Variants in ERBB4 observed in about 807,000 individuals in gnomAD.
ERBB4 encodes erb-b2 receptor tyrosine kinase 4, also known as receptor tyrosine-protein kinase erbB-4.
ERBB4 carries 42 observed loss-of-function variants against 158.0 expected under a neutral mutation model. The observed-to-expected ratio is 0.27, with a 90% confidence interval of 0.21 to 0.34. ERBB4 has a LOEUF of 0.34. Ranked by LOEUF, ERBB4 falls within the 10% of genes least tolerant of loss-of-function variation. The pLI, the probability that ERBB4 is intolerant of heterozygous loss-of-function variation, is 1.00. For synonymous variants in ERBB4, 583 were observed against 558.7 expected (o/e 1.04, Z -0.61); for missense variants, 1,333 against 1,624.1 (o/e 0.82, Z 3.08).
intron 5 of ERBB4, among the ~76,000 whole-genome samples, chr2:211,749,298 A>G (rs2106205688): frequency 6.6e-6 from 1 of 152,318 alleles, no homozygotes; most frequent in Middle Eastern, 3.4e-3. Context: ...TCACCTCTAG[A>G]AATTAATACT....
intron 3 of ERBB4, among the ~76,000 whole-genome samples, chr2:211,873,906 T>A (rs1448331742): frequency 2.0e-5 from 3 of 151,996 alleles, no homozygotes; most frequent in African/African-American, 7.3e-5. Flanking sequence ...ATGTATTGAC[T>A]GTATAACTCA....
At chr2:212,306,222 A>G (rs1021198684) in intron 1 of ERBB4, among the ~76,000 whole-genome samples, 1 of 151,490 alleles carries the variant, frequency 6.6e-6, no homozygotes, top group Non-Finnish European at 1.5e-5. Context: ...CCACTCCCCA[A>G]AAAATACAAT....
chr2:212,218,599 C>T (rs2083183039), intron 1 of ERBB4, among the ~76,000 whole-genome samples: 1 of 151,326 alleles, frequency 6.6e-6, no homozygotes, highest in Admixed American at 6.6e-5. Flanking sequence ...TTGCCTTCAA[C>T]ACTGTTCATC....
At chr2:212,208,807 G>A (rs764731045) in intron 1 of ERBB4, among the ~76,000 whole-genome samples, 14 of 152,108 alleles carry the variant, frequency 9.2e-5, no homozygotes, top group Non-Finnish European at 1.6e-4. Flanking sequence ...GGCAAAGAAC[G>A]TATCTAACCC....
chr2:211,540,205 T>TATATATACACAC lies in ERBB4; in HGVS notation c.2487+21697_2487+21698insGTGTGTATATAT, dbSNP rs60602351. 8.1e-5 allele frequency among the ~76,000 whole-genome samples: 12 copies of TATATATACACAC among 147,840 alleles called. 1 individual carries two copies. Among genetic ancestry groups the TATATATACACAC allele is most frequent in the East Asian group, 6.1e-4 (3 of 4,930 alleles). On this transcript the variant is annotated intron_variant, in intron 20 of 27. Transcript: ENST00000342788. ...TACATGATTTATATATATATATATA[T>TATATATACACAC]ACACACACACATATATATAATACAT...
chr2:212,275,554 G>A (rs2085501364), intron 1 of ERBB4, among the ~76,000 whole-genome samples: 1 of 151,568 alleles, frequency 6.6e-6, no homozygotes, highest in Non-Finnish European at 1.5e-5. Context: ...TATGTTTGTT[G>A]GAATTTCATA....
chr2:211,724,968 A>G (rs2074219383), intron 6 of ERBB4, 108 bp downstream of exon 6: 1 of 865,588 alleles, frequency 1.2e-6, no homozygotes. Context: ...TTAATCCTAA[A>G]GTGGCTAAAG....
chr2:211,721,681 A>G (rs950849190), intron 7 of ERBB4, among the ~76,000 whole-genome samples: 1 of 148,648 alleles, frequency 6.7e-6, no homozygotes. Flanking sequence ...TATTAAAAAT[A>G]TAATGCTAAG....
At chr2:212,291,715 A>T (rs2086213047) in intron 1 of ERBB4, among the ~76,000 whole-genome samples, 3 of 152,194 alleles carry the variant, frequency 2.0e-5, no homozygotes, top group African/African-American at 7.2e-5. Flanking sequence ...CTGAGTTACA[A>T]AGTCTGAATA....
At chr2:211,385,831 T>G (rs2062673273) in intron 27 of ERBB4, among the ~76,000 whole-genome samples, 1 of 152,162 alleles carries the variant, frequency 6.6e-6, no homozygotes, top group African/African-American at 2.4e-5. Context: ...CCAGAAAAGA[T>G]TCTTCTTTGG....
intron 20 of ERBB4, among the ~76,000 whole-genome samples, chr2:211,530,020 T>C (rs1435405236): frequency 6.6e-6 from 1 of 151,808 alleles, no homozygotes; most frequent in African/African-American, 2.4e-5. Flanking sequence ...ACAGGAAAAA[T>C]AAATAAAAAG....
At chr2:212,101,869 C>T (rs1012580040) in intron 2 of ERBB4, among the ~76,000 whole-genome samples, 5 of 151,796 alleles carry the variant, frequency 3.3e-5, no homozygotes, top group Admixed American at 2.0e-4. Flanking sequence ...CTACCGTCAA[C>T]ACAGACCTCC....
In ERBB4 at chr2:212,437,492, C is replaced by CAAAA. The variant is rs10714742; in HGVS notation, c.82+100953_82+100956dup. Among the ~76,000 whole-genome samples, 11 of 127,596 alleles carry CAAAA rather than the reference C, an allele frequency of 8.6e-5. No individual in the cohort carries two copies. In the Admixed American group the frequency reaches 9.4e-4, roughly 11 times the overall value. 83.7% of individuals were successfully genotyped at this position (127,596 alleles called of 152,430 possible). A position where few individuals can be genotyped will look rare whatever the true frequency, so the allele number is the denominator to read the frequency against. On this transcript the variant is annotated intron_variant, in intron 1 of 27. Coordinates refer to ENST00000342788, the MANE Select transcript of ERBB4 (RefSeq NM_005235.3). The stretch of plus-strand genomic sequence containing the variant: ...TGCTACTTATATTCATGTTCTGATA[C>CAAAA]AAAAAAAAAAAAAAAGGAAGATTGG...
chr2:211,604,799 C>A (rs369379427), intron 19 of ERBB4, among the ~76,000 whole-genome samples: 8 of 152,244 alleles, frequency 5.3e-5, no homozygotes, highest in African/African-American at 1.7e-4. Context: ...GAAAATAAAA[C>A]CCTGTAGTAT....
intron 2 of ERBB4, among the ~76,000 whole-genome samples, chr2:211,983,385 A>G (rs1405738358): frequency 1.3e-5 from 2 of 152,168 alleles, no homozygotes; most frequent in Non-Finnish European, 2.9e-5. Flanking sequence ...TGGTAGTTCA[A>G]ATTACTGAAA....
At chr2:212,505,844 G>A (rs1310142903) in intron 1 of ERBB4, among the ~76,000 whole-genome samples, 1 of 148,766 alleles carries the variant, frequency 6.7e-6, no homozygotes, top group African/African-American at 2.4e-5. Flanking sequence ...CACCATCTAC[G>A]ACACAGTACA....
At chr2:211,810,599 T>C (rs1030883172) in intron 3 of ERBB4, among the ~76,000 whole-genome samples, 1 of 151,546 alleles carries the variant, frequency 6.6e-6, no homozygotes, top group Non-Finnish European at 1.5e-5. Context: ...GCATGTGAGA[T>C]GGGTCTCCCG....
At chr2:212,221,011 C>T (rs1032444174) in intron 1 of ERBB4, among the ~76,000 whole-genome samples, 1 of 151,406 alleles carries the variant, frequency 6.6e-6, no homozygotes, top group African/African-American at 2.4e-5. Context: ...GACATTTTGT[C>T]CAACCCAGTA....
At chr2:212,339,916 G>A (rs370301541) in intron 1 of ERBB4, among the ~76,000 whole-genome samples, 184 of 152,104 alleles carry the variant, frequency 1.2e-3, no homozygotes, top group Admixed American at 3.6e-3. Context: ...CCACAGTTAC[G>A]ATATACATTT....
Sources: allele counts gnomAD v4.1 joint callset (sites outside exome capture counted in the v4.1 genomes callset), GRCh38; gene constraint gnomAD v4.1.1; transcripts MANE v1.5; gene names NCBI Gene and HGNC (gene_info 2026-07-23, HGNC 2026-07-21).